The following NRXN3 variants were observed in gnomAD, a reference collection of about 807,000 sequenced individuals.
NRXN3 encodes neurexin III.
In NRXN3, 32 loss-of-function variants were observed where a neutral mutation model predicts 137.6. That is an observed-to-expected ratio of 0.23 (90% CI 0.18 to 0.31). The LOEUF is 0.31. Among genes scored for constraint, NRXN3 ranks in the 10% least tolerant of loss-of-function variants. The pLI, the probability that NRXN3 is intolerant of heterozygous loss-of-function variation, is 1.00. For missense variants in NRXN3, 1,574 were observed against 2,062.5 expected (o/e 0.76, Z 4.59); for synonymous variants, 798 against 784.5 (o/e 1.02, Z -0.29).
Position 78,421,851 on chromosome 14 carries a change from T to C in NRXN3, c.757+123991T>C, listed in dbSNP as rs1415787340. On this transcript the variant is annotated intron_variant, in intron 4 of 20. Transcript: ENST00000335750. ...ATTTTAATTTTCCTATTTACATCTT[T>C]CTGATTAACTTTTTCCCTTATAATC... Among the ~76,000 whole-genome samples the C allele has an allele frequency of 2.6e-5, 4 of 152,152 alleles. No homozygotes were observed. In the East Asian group the frequency reaches 7.7e-4, roughly 29 times the overall value.
intron 15 of NRXN3, among the ~76,000 whole-genome samples, chr14:79,245,626 C>T (rs1433830335): frequency 6.6e-6 from 1 of 152,080 alleles, no homozygotes; most frequent in Non-Finnish European, 1.5e-5. Flanking sequence ...ACATGCAACC[C>T]ACAGTGCCTG....
intron 10 of NRXN3, among the ~76,000 whole-genome samples, chr14:78,908,721 C>T (rs962792151): frequency 6.6e-6 from 1 of 151,776 alleles, no homozygotes; most frequent in Admixed American, 6.6e-5. Context: ...TGAATAGAGG[C>T]CCTATCAGAG....
rs1003254921 is a variant in NRXN3 at position 78,762,597 on chromosome 14, C to G, written c.2045-41023C>G. On this transcript the variant is annotated intron_variant, in intron 8 of 20. Transcript: ENST00000335750. ...TAAAAAGAGAAGGGTAAGACAGTCT[C>G]CATCATGAATACATACTTAGTCCAA... Among the ~76,000 whole-genome samples, 71 of 152,092 alleles carry G rather than the reference C, an allele frequency of 4.7e-4. 1 individual carries two copies. Among genetic ancestry groups the G allele is most frequent in the Non-Finnish European group, 1.2e-4 (8 of 68,026 alleles).
intron 10 of NRXN3, among the ~76,000 whole-genome samples, chr14:78,859,065 C>T (rs576036163): frequency 1.2e-4 from 18 of 151,758 alleles, no homozygotes; most frequent in Non-Finnish European, 1.6e-4. Flanking sequence ...CACAGGGGGG[C>T]GGTTTCCCCC....
chr14:79,057,500 G>A (rs764158349), intron 15 of NRXN3, among the ~76,000 whole-genome samples: 1 of 152,054 alleles, frequency 6.6e-6, no homozygotes, highest in African/African-American at 2.4e-5. Context: ...AGTGTAGAGA[G>A]CAGGAGCCAA....
At chr14:79,372,001 A>C (rs1043891594) in intron 15 of NRXN3, among the ~76,000 whole-genome samples, 1 of 152,150 alleles carries the variant, frequency 6.6e-6, no homozygotes, top group African/African-American at 2.4e-5. Context: ...ATCTTTTCTC[A>C]CTTTACTTCA....
Position 79,616,729 on chromosome 14 carries a change from A to G in NRXN3, c.3445-47049A>G, listed in dbSNP as rs1043250523. Among the ~76,000 whole-genome samples, 11 of 152,188 alleles carry G rather than the reference A, an allele frequency of 7.2e-5. No homozygotes were observed. In the East Asian group the frequency reaches 1.7e-3, roughly 24 times the overall value. On this transcript the variant is annotated intron_variant, in intron 16 of 20. Coordinates refer to ENST00000335750, the MANE Select transcript of NRXN3 (RefSeq NM_001330195.2). ...CTTGAGAAATGTCTGTAAAGTGTCC[A>G]TGTATTCCATGGGTTCAATGGGGAT...
Position 79,021,064 on chromosome 14 carries a change from A to G in NRXN3, c.3262+32923A>G, listed in dbSNP as rs2099588869. Reference sequence around the variant, plus strand: ...TAATACCACAGTGGCAGTTATTTCTAGCAGCAGGTGTGGTTGGTTACTTTT... The same window carrying G: ...TAATACCACAGTGGCAGTTATTTCTGGCAGCAGGTGTGGTTGGTTACTTTT... On this transcript the variant is annotated intron_variant, in intron 15 of 20. Coordinates refer to ENST00000335750, the MANE Select transcript of NRXN3 (RefSeq NM_001330195.2). 3.3e-5 allele frequency among the ~76,000 whole-genome samples: 5 copies of G among 152,194 alleles called. No individual in the cohort carries two copies. In the South Asian group the frequency reaches 1.0e-3, roughly 31 times the overall value.
At chr14:78,784,064 G>GAA (rs11288913) in intron 8 of NRXN3, among the ~76,000 whole-genome samples, 147 of 98,292 alleles carry the variant, frequency 1.5e-3, no homozygotes, top group Non-Finnish European at 3.0e-3. Flanking sequence ...TAACACATGA[G>GAA]AAAAAAAAAA....
intron 15 of NRXN3, among the ~76,000 whole-genome samples, chr14:79,023,785 C>T (rs552377632): frequency 2.2e-4 from 33 of 152,122 alleles, no homozygotes; most frequent in African/African-American, 7.5e-4. Context: ...GGGTAACTGG[C>T]CCCATGATTC....
chr14:79,450,586 C>T (rs1019723417), intron 15 of NRXN3, among the ~76,000 whole-genome samples: 2 of 151,952 alleles, frequency 1.3e-5, no homozygotes, highest in African/African-American at 4.8e-5. Context: ...AGGCCAGGGG[C>T]GGTGGCTCAC....
chr14:79,857,677 C>T (rs1390675092), intron 20 of NRXN3, among the ~76,000 whole-genome samples: 1 of 152,134 alleles, frequency 6.6e-6, no homozygotes, highest in Non-Finnish European at 1.5e-5. Context: ...AACATATACA[C>T]TTGTCCCAGG....
intron 19 of NRXN3, among the ~76,000 whole-genome samples, chr14:79,725,160 G>C (rs1483975624): frequency 2.0e-5 from 3 of 152,118 alleles, no homozygotes; most frequent in Non-Finnish European, 4.4e-5. Context: ...TCTTTTCAGG[G>C]TGCTTTCTTA....
chr14:79,231,850 C>T (rs1446663743), intron 15 of NRXN3, among the ~76,000 whole-genome samples: 2 of 151,960 alleles, frequency 1.3e-5, no homozygotes, highest in Non-Finnish European at 2.9e-5. Flanking sequence ...ATTAAAATGA[C>T]CATTTCTTTG....
intron 10 of NRXN3, among the ~76,000 whole-genome samples, chr14:78,902,818 A>T (rs1384138542): frequency 6.6e-6 from 1 of 151,710 alleles, no homozygotes; most frequent in African/African-American, 2.4e-5. Context: ...TAACATAGTT[A>T]TATTCAGGAA....
intron 20 of NRXN3, among the ~76,000 whole-genome samples, chr14:79,842,920 C>CTCTA (rs1316222691): frequency 6.6e-6 from 1 of 152,116 alleles, no homozygotes; most frequent in Non-Finnish European, 1.5e-5. Context: ...CTGTTTTATT[C>CTCTA]TCTATCTCTG....
At chr14:79,435,000 TGG>T (rs2095822007) in intron 15 of NRXN3, among the ~76,000 whole-genome samples, 1 of 152,118 alleles carries the variant, frequency 6.6e-6, no homozygotes. Context: ...TTCCAACATC[TGG>T]AGGATGAGCA....
rs144078649 is a variant in NRXN3, at chr14:79,081,343, C to T, written c.3262+93202C>T. On this transcript the variant is annotated intron_variant, in intron 15 of 20. Transcript: ENST00000335750. ...AAGATATGATGTGTCCAGCCAGGTGCGGTGGCTCACGCCTGTAATCCCAAC... is the reference window on the plus strand; with the variant it reads ...AAGATATGATGTGTCCAGCCAGGTGTGGTGGCTCACGCCTGTAATCCCAAC... 7.9e-5 allele frequency among the ~76,000 whole-genome samples: 12 copies of T among 152,128 alleles called. No homozygotes were observed. The East Asian group carries it at 1.2e-3, about 15-fold the overall frequency.
At chr14:79,792,213 T>G (rs540827544) in intron 19 of NRXN3, among the ~76,000 whole-genome samples, 2 of 152,280 alleles carry the variant, frequency 1.3e-5, no homozygotes, top group Admixed American at 1.3e-4. Context: ...AGAAAAAGAC[T>G]ACAAGCTGGG....
Sources: gnomAD v4.1 joint callset for allele counts (sites outside exome capture counted in the v4.1 genomes callset) on GRCh38, gnomAD v4.1.1 for gene constraint, MANE v1.5 for transcripts, NCBI Gene and HGNC (gene_info 2026-07-23, HGNC 2026-07-21) for gene names.